The following FBXL14 variants were observed in gnomAD, a reference collection of about 807,000 sequenced individuals.
The protein encoded by FBXL14 is F-box/LRR-repeat protein 14.
In FBXL14, 11 loss-of-function variants were observed where a neutral mutation model predicts 24.5. The ratio of observed to expected loss-of-function variants is 0.45; its 90% CI spans 0.28 to 0.74. The LOEUF (loss-of-function observed/expected upper bound fraction) is 0.74, where lower values mean the gene tolerates loss of function less well. Among genes scored for constraint, FBXL14 ranks in the 30% least tolerant of loss-of-function variants. The pLI, the probability that FBXL14 is intolerant of heterozygous loss-of-function variation, is 0.12. For synonymous variants in FBXL14, 294 were observed against 240.4 expected, an observed-to-expected ratio of 1.22 and a Z score of -2.06; for missense variants, 384 against 545.6, an observed-to-expected ratio of 0.70 and a Z score of 2.95.
Position 1,592,957 on chromosome 12 carries a change from G to C in FBXL14, c.1110C>G (p.Thr370=). 1 of 1,613,184 alleles carries C rather than the reference G, an allele frequency of 6.2e-7. No individual in the cohort carries two copies. The highest frequency in any genetic ancestry group is 8.5e-7 in the Non-Finnish European group (1 of 1,179,702). Residue 370 remains threonine, a synonymous_variant, in exon 1 of 2, where the codon ACC becomes ACG. Coordinates refer to ENST00000339235, the MANE Select transcript of FBXL14 (RefSeq NM_152441.3). ...GCGTGATGCGCTCCAGGCCGCGCTT[G>C]GTGATTCGGGTGCAGCCGTACAGGT... The part of the protein sequence containing the change: ...GIDLYGCTRI[T]KRGLERITQL...
rs1049956396 is a variant in FBXL14, at chr12:1,567,196, C to T, written c.1195-386G>A. Among the ~76,000 whole-genome samples, 1 of 152,288 alleles carries T rather than the reference C, an allele frequency of 6.6e-6. No homozygotes were observed. Among genetic ancestry groups the T allele is most frequent in the East Asian group, 1.9e-4 (1 of 5,186 alleles). On this transcript the variant is annotated intron_variant, in intron 1 of 1. Transcript: ENST00000339235. This position sits in a 1 kb window ranked among gnomAD's most constrained non-coding sequence, Gnocchi z 4.8. Reference sequence around the variant, plus strand: ...GGGCAAATAGGGCCTGGCACGGTGGCTGACGCCTGTAATCCCAGCACTTTG... The same window carrying T: ...GGGCAAATAGGGCCTGGCACGGTGGTTGACGCCTGTAATCCCAGCACTTTG...
intron 1 of FBXL14, among the ~76,000 whole-genome samples, chr12:1,575,742 G>A (rs1383212600): frequency 6.6e-6 from 1 of 152,150 alleles, no homozygotes; most frequent in Non-Finnish European, 1.5e-5. Context: ...TGGTTTCTCG[G>A]TAGGAAAATA....
intron 1 of FBXL14, among the ~76,000 whole-genome samples, chr12:1,575,703 C>G (rs923690529): frequency 1.3e-5 from 2 of 152,040 alleles, no homozygotes; most frequent in African/African-American, 4.8e-5. Flanking sequence ...CTGCAGCCAA[C>G]AGGCGTGGGA....
Position 1,592,950 on chromosome 12 carries a change from C to T in FBXL14, c.1117G>A (p.Gly373Ser). 6.2e-7 allele frequency: 1 copy of T among 1,613,082 alleles called. No homozygotes were observed. The highest frequency in any genetic ancestry group is 8.5e-7 in the Non-Finnish European group (1 of 1,179,576). The change falls in exon 1 of 2, where the codon GGC (glycine) becomes AGC (serine). Residue 373 changes from glycine (G) to serine (S), a missense_variant. Physicochemically the swap from Gly to Ser is moderately conservative, Grantham distance 56. Transcript: ENST00000339235. ...GGCAGCTGCGTGATGCGCTCCAGGC[C>T]GCGCTTGGTGATTCGGGTGCAGCCG... Reference protein sequence around the residue: ...LYGCTRITKRGLERITQLPCL... With the variant: ...LYGCTRITKRSLERITQLPCL...
Position 1,594,198 on chromosome 12 carries a change from CG to C in FBXL14, c.-133del. 1 of 544,170 alleles carries C rather than the reference CG, an allele frequency of 1.8e-6. No individual in the cohort carries two copies. 33.7% of individuals were successfully genotyped at this position (544,170 alleles called of 1,614,324 possible). A position where few individuals can be genotyped will look rare whatever the true frequency, so the allele number is the denominator to read the frequency against. ...CCGCCGCCGCCTCGGGCCCAACGGC[CG>C]GCCCCTCCCCGCCTTCCGGCTCCGG... On this transcript the variant is annotated 5_prime_UTR_variant, in exon 1 of 2. Coordinates refer to ENST00000339235, the MANE Select transcript of FBXL14 (RefSeq NM_152441.3).
At chr12:1,573,921 C>T (rs547561933) in intron 1 of FBXL14, among the ~76,000 whole-genome samples, 109 of 152,000 alleles carry the variant, frequency 7.2e-4, no homozygotes, top group Non-Finnish European at 1.0e-3. Context: ...AGGAGAATCG[C>T]TTGAACCTGG....
chr12:1,580,854 A>G (rs191848276), intron 1 of FBXL14, among the ~76,000 whole-genome samples: 1 of 152,304 alleles, frequency 6.6e-6, no homozygotes, highest in East Asian at 1.9e-4. Flanking sequence ...GTTTGCAGCC[A>G]CTTGCACACA....
intron 1 of FBXL14, among the ~76,000 whole-genome samples, chr12:1,583,829 A>G (rs1236695960): frequency 6.6e-6 from 1 of 152,184 alleles, no homozygotes; most frequent in East Asian, 1.9e-4. Context: ...GAAAAACACA[A>G]GGTCGGACTC....
chr12:1,589,675 C>T (rs945070715), intron 1 of FBXL14, among the ~76,000 whole-genome samples: 2 of 152,146 alleles, frequency 1.3e-5, no homozygotes, highest in Non-Finnish European at 2.9e-5. Flanking sequence ...GTTCTCAACA[C>T]GTTAATTGCT....
In FBXL14 at chr12:1,567,260, C is replaced by G. The variant is rs1042977862; in HGVS notation, c.1195-450G>C. Among the ~76,000 whole-genome samples, 7 of 151,680 alleles carry G rather than the reference C, an allele frequency of 4.6e-5. No individual in the cohort carries two copies. The highest frequency in any genetic ancestry group is 1.7e-4 in the African/African-American group (7 of 41,232). ...GGCGGATCACCTGAGGTCAGGAGTT[C>G]GAGACCAGCCTGGCCAATATGGCAA... On this transcript the variant is annotated intron_variant, in intron 1 of 1. Coordinates refer to ENST00000339235, the MANE Select transcript of FBXL14 (RefSeq NM_152441.3). This position sits in a 1 kb window ranked among gnomAD's most constrained non-coding sequence, Gnocchi z 4.8.
intron 1 of FBXL14, among the ~76,000 whole-genome samples, chr12:1,580,329 C>T (rs1271900593): frequency 6.6e-6 from 1 of 152,162 alleles, no homozygotes; most frequent in South Asian, 2.1e-4. Context: ...CGTTCAATAG[C>T]GGTTTTATAA....
chr12:1,573,427 G>A (rs1565582489), intron 1 of FBXL14, among the ~76,000 whole-genome samples: 1 of 152,198 alleles, frequency 6.6e-6, no homozygotes, highest in Non-Finnish European at 1.5e-5. Flanking sequence ...GTGCCTCGTA[G>A]AAGCTCAGCA....
At chr12:1,592,582 C>T (rs1268269322) in intron 1 of FBXL14, among the ~76,000 whole-genome samples, 1 of 152,204 alleles carries the variant, frequency 6.6e-6, no homozygotes, top group South Asian at 2.1e-4. Context: ...CAGTCCTCCA[C>T]CCCCTGCAGG....
intron 1 of FBXL14, among the ~76,000 whole-genome samples, chr12:1,575,282 A>G (rs2094453662): frequency 6.6e-6 from 1 of 152,250 alleles, no homozygotes; most frequent in South Asian, 2.1e-4. Context: ...GATGATTAAC[A>G]GTTGAACAAA....
chr12:1,573,855 A>T (rs1253083945), intron 1 of FBXL14, among the ~76,000 whole-genome samples: 1 of 152,138 alleles, frequency 6.6e-6, no homozygotes, highest in African/African-American at 2.4e-5. Flanking sequence ...AAATAACACA[A>T]TTAGCTGGGC....
chr12:1,577,338 G>A (rs547453818), intron 1 of FBXL14, among the ~76,000 whole-genome samples: 1 of 152,202 alleles, frequency 6.6e-6, no homozygotes, highest in South Asian at 2.1e-4. Flanking sequence ...CTCCTCGGGG[G>A]AGGGCAGTGG....
rs2094438267 is a variant in FBXL14, at chr12:1,567,493, A to AAAC, written c.1195-684_1195-683insGTT. ...GCGACAGAGTGGTACTCTGTCTCAAAAATAATAATAATAATAAAATGAAAT... is the reference window on the plus strand; with the variant it reads ...GCGACAGAGTGGTACTCTGTCTCAAAAACAATAATAATAATAATAAAATGAAAT... On this transcript the variant is annotated intron_variant, in intron 1 of 1. Transcript: ENST00000339235. The surrounding 1 kb of genome is among the most constrained non-coding windows in gnomAD (Gnocchi z 4.8). Among the ~76,000 whole-genome samples, 1 of 151,984 alleles carries AAAC rather than the reference A, an allele frequency of 6.6e-6. No homozygotes were observed. The highest frequency in any genetic ancestry group is 1.5e-5 in the Non-Finnish European group (1 of 67,998).
In FBXL14 at chr12:1,593,014, G is replaced by A. The variant is rs1297698392; in HGVS notation, c.1053C>T (p.Ile351=). The A allele has an allele frequency of 1.9e-6, 3 of 1,612,328 alleles. No individual in the cohort carries two copies. Among genetic ancestry groups the A allele is most frequent in the East Asian group, 2.2e-5 (1 of 44,898 alleles). ...CGGTGAGTTGGCTCAGGTGCTCAGC[G>A]ATCAGCTCCAGGCCCTTGTCCGTGA... is the stretch of plus-strand genomic sequence containing the variant. ...VRITDKGLEL[I]AEHLSQLTGI... is the part of the protein sequence containing the mutation. Residue 351 remains isoleucine (I), a synonymous_variant, in exon 1 of 2, where the codon ATC becomes ATT. Transcript: ENST00000339235. This position sits in a 1 kb window ranked among gnomAD's most constrained non-coding sequence, Gnocchi z 7.4.
chr12:1,585,646 G>A (rs2094475077), intron 1 of FBXL14, among the ~76,000 whole-genome samples: 3 of 152,156 alleles, frequency 2.0e-5, no homozygotes, highest in Admixed American at 6.5e-5. Context: ...AGTAATTGTT[G>A]ACACCCCACT....
Sources: gnomAD v4.1 joint callset for allele counts (sites outside exome capture counted in the v4.1 genomes callset) on GRCh38, gnomAD v4.1.1 for gene constraint, Gnocchi (gnomAD v3.1) non-coding constraint, MANE v1.5 for transcripts, NCBI Gene and HGNC (gene_info 2026-07-23, HGNC 2026-07-21) for gene names.